The following ABI3BP variants were observed in gnomAD, a reference collection of about 807,000 sequenced individuals.
The protein encoded by ABI3BP is target of Nesh-SH3.
ABI3BP carries 216 observed loss-of-function variants against 268.6 expected under a neutral mutation model. The ratio of observed to expected loss-of-function variants is 0.80; its 90% CI spans 0.72 to 0.90. The LOEUF (loss-of-function observed/expected upper bound fraction) is 0.90, where lower values mean the gene tolerates loss of function less well. Ranked by LOEUF, ABI3BP falls within the 40% of genes least tolerant of loss-of-function variation. The pLI is 0.00. For synonymous variants in ABI3BP, 730 were observed against 730.0 expected (o/e 1.00, Z 0.00); for missense variants, 2,090 against 2,182.4 (o/e 0.96, Z 0.84).
intron 13 of ABI3BP, 186 bp downstream of exon 13, chr3:100,862,652 C>T: frequency 1.7e-6 from 1 of 599,716 alleles, no homozygotes; most frequent in Non-Finnish European, 2.9e-6. Context: ...GGAATTAAGA[C>T]TGATGGGTTT....
intron 1 of ABI3BP, among the ~76,000 whole-genome samples, chr3:100,928,407 A>G (rs763998395): frequency 2.6e-5 from 4 of 152,126 alleles, no homozygotes; most frequent in Non-Finnish European, 5.9e-5. Context: ...ACATCATCAC[A>G]ATGAATTTAT....
At chr3:100,808,114 C>A (rs372757453) in intron 50 of ABI3BP, 47 bp downstream of exon 50, 43 of 1,533,368 alleles carry the variant, frequency 2.8e-5, no homozygotes, top group Non-Finnish European at 3.7e-5. Flanking sequence ...TAGAATAACC[C>A]CACTAACCTC....
intron 4 of ABI3BP, among the ~76,000 whole-genome samples, chr3:100,889,263 A>C (rs2043365884): frequency 6.6e-6 from 1 of 152,156 alleles, no homozygotes; most frequent in Non-Finnish European, 1.5e-5. Context: ...CAAGGAAAAG[A>C]GAGCCCAAGA....
intron 2 of ABI3BP, among the ~76,000 whole-genome samples, chr3:100,907,726 C>G (rs566457117): frequency 1.6e-4 from 25 of 152,136 alleles, no homozygotes; most frequent in African/African-American, 5.8e-4. Flanking sequence ...CAAAAAAACC[C>G]TAAAAATATA....
chr3:100,825,871 A>G, intron 34 of ABI3BP, 27 bp from the exon 35 acceptor site: 3 of 1,476,508 alleles, frequency 2.0e-6, no homozygotes, highest in Non-Finnish European at 2.7e-6. Context: ...AACAAAAGAG[A>G]TGGTAAAAAA....
rs138155436 is a variant in ABI3BP at position 100,851,199 on chromosome 3, T to G, written c.1352-465A>C. ...GAATCTCCTACAGTACCCAGTTTAG[T>G]AGGTGTTTGATAAACATTTGCTGAA... On this transcript the variant is annotated intron_variant, in intron 15 of 67. Transcript: ENST00000471714. Among the ~76,000 whole-genome samples the G allele has an allele frequency of 9.2e-5, 14 of 152,326 alleles. No homozygotes were observed. The East Asian group carries it at 2.1e-3, about 23-fold the overall frequency.
chr3:100,980,659 A>G (rs2088885620), intron 1 of ABI3BP, among the ~76,000 whole-genome samples: 2 of 152,226 alleles, frequency 1.3e-5, no homozygotes, highest in African/African-American at 2.4e-5. Context: ...GAGTATAGCA[A>G]AGAAGACAGC....
chr3:100,765,260 T>A (rs2096222083), intron 63 of ABI3BP, among the ~76,000 whole-genome samples: 1 of 152,192 alleles, frequency 6.6e-6, no homozygotes, highest in South Asian at 2.1e-4. Context: ...AACAACCTGG[T>A]ATCAATGTGT....
At chr3:100,904,554 T>TA (rs1371076169) in intron 2 of ABI3BP, among the ~76,000 whole-genome samples, 3 of 152,096 alleles carry the variant, frequency 2.0e-5, no homozygotes, top group Non-Finnish European at 4.4e-5. Context: ...TACCATTCAA[T>TA]AAAAGGGTAA....
intron 51 of ABI3BP, 71 bp from the exon 52 acceptor site, chr3:100,796,539 A>G (rs1468594790): frequency 3.4e-6 from 4 of 1,184,714 alleles, no homozygotes; most frequent in Non-Finnish European, 3.5e-6. Flanking sequence ...ACCCACAGAT[A>G]TAAAAATCCC....
intron 2 of ABI3BP, among the ~76,000 whole-genome samples, chr3:100,921,839 AG>A (rs2060325733): frequency 6.6e-6 from 1 of 152,250 alleles, no homozygotes; most frequent in Non-Finnish European, 1.5e-5. Flanking sequence ...ATGATTATTT[AG>A]TGGAAGTCCT....
intron 63 of ABI3BP, among the ~76,000 whole-genome samples, chr3:100,755,766 T>C (rs1009048994): frequency 3.3e-5 from 5 of 152,188 alleles, no homozygotes; most frequent in African/African-American, 1.2e-4. Context: ...GACTTGGCAG[T>C]GAAAGAACAT....
chr3:100,785,516 T>C (rs552160297), intron 57 of ABI3BP, among the ~76,000 whole-genome samples: 4 of 152,342 alleles, frequency 2.6e-5, no homozygotes, highest in African/African-American at 9.6e-5. Flanking sequence ...CATAATAATA[T>C]GCTACATAGA....
Position 100,813,651 on chromosome 3 carries a change from A to G in ABI3BP, c.3364+10T>C, listed in dbSNP as rs1414739989. 1 of 1,530,530 alleles carries G rather than the reference A, an allele frequency of 6.5e-7. No homozygotes were observed. Among genetic ancestry groups the G allele is most frequent in the Admixed American group, 2.0e-5 (1 of 50,968 alleles). The allele number at this position is 1,530,530 out of a possible 1,614,324, so 94.8% of individuals were successfully genotyped here. ...ACAGTATACCCAGACAGATAAAACA[A>G]TCTATTTACCAGGTTGACTTTCTGT... On this transcript the variant is annotated intron_variant, in intron 45 of 67. Transcript: ENST00000471714.
chr3:100,761,627 G>C (rs1489327818), intron 63 of ABI3BP, among the ~76,000 whole-genome samples: 4 of 152,118 alleles, frequency 2.6e-5, no homozygotes, highest in African/African-American at 4.8e-5. Flanking sequence ...GAGAAGGTTG[G>C]TATACACTGT....
chr3:100,900,224 A>T (rs533111397), intron 3 of ABI3BP, among the ~76,000 whole-genome samples: 2 of 152,246 alleles, frequency 1.3e-5, no homozygotes, highest in African/African-American at 4.8e-5. Flanking sequence ...GGTGATTTAA[A>T]TTGTCATGTA....
chr3:100,869,330 G>GTTTTTT lies in ABI3BP; in HGVS notation c.911-2380_911-2375dup, dbSNP rs144604645. On this transcript the variant is annotated intron_variant, in intron 9 of 67. Transcript: ENST00000471714. ...ATATTGTTTTTTCTTCTTCTTTTTGGTTTTTTTTTTTTTTTTTTTTTTTTT... is the reference window on the plus strand; with the variant it reads ...ATATTGTTTTTTCTTCTTCTTTTTGGTTTTTTTTTTTTTTTTTTTTTTTTTTTTTTT... 1.8e-4 allele frequency among the ~76,000 whole-genome samples: 9 copies of GTTTTTT among 49,762 alleles called. 1 individual carries two copies. The highest frequency in any genetic ancestry group is 5.7e-4 in the African/African-American group (7 of 12,216). The allele number at this position is 49,762 out of a possible 152,430, so 32.6% of individuals were successfully genotyped here.
chr3:100,852,964 C>T (rs991582060), intron 14 of ABI3BP, among the ~76,000 whole-genome samples: 2 of 152,168 alleles, frequency 1.3e-5, no homozygotes, highest in Non-Finnish European at 2.9e-5. Context: ...GTAGATGTTG[C>T]TTTTCTTGTC....
intron 62 of ABI3BP, 81 bp downstream of exon 62, chr3:100,770,662 C>T (rs767532825): frequency 3.1e-4 from 402 of 1,313,848 alleles, no homozygotes; most frequent in Non-Finnish European, 3.8e-4. Context: ...CACATGTCAA[C>T]GTTGACCCAG....
Sources: gnomAD v4.1 joint callset for allele counts (sites outside exome capture counted in the v4.1 genomes callset) on GRCh38, gnomAD v4.1.1 for gene constraint, MANE v1.5 for transcripts, NCBI Gene and HGNC (gene_info 2026-07-23, HGNC 2026-07-21) for gene names.